The following SLC35F1 variants were observed in gnomAD, a reference collection of about 807,000 sequenced individuals.
SLC35F1 encodes chromosome 6 open reading frame 169.
SLC35F1 carries 14 observed loss-of-function variants against 48.7 expected under a neutral mutation model. That is an observed-to-expected ratio of 0.29 (90% confidence interval 0.19 to 0.45). The LOEUF is 0.45. SLC35F1 is among the 20% of genes least tolerant of loss of function. SLC35F1 has a pLI of 1.00. For missense variants in SLC35F1, 404 were observed against 500.0 expected (o/e 0.81, Z 1.83); for synonymous variants, 190 against 202.2 (o/e 0.94, Z 0.51).
At chr6:118,237,708 C>T (rs1422717169) in intron 3 of SLC35F1, among the ~76,000 whole-genome samples, 1 of 152,014 alleles carries the variant, frequency 6.6e-6, no homozygotes, top group African/African-American at 2.4e-5. Flanking sequence ...TCTTTAACAG[C>T]GATAGTTATA....
At chr6:118,136,242 GTC>G (rs899378978) in intron 1 of SLC35F1, among the ~76,000 whole-genome samples, 6 of 152,180 alleles carry the variant, frequency 3.9e-5, no homozygotes, top group Admixed American at 1.3e-4. Context: ...GAATTCAGAA[GTC>G]TCTCTACCCT....
chr6:118,035,934 C>T (rs752324358), intron 1 of SLC35F1, among the ~76,000 whole-genome samples: 48 of 151,956 alleles, frequency 3.2e-4, no homozygotes, highest in African/African-American at 9.6e-4. Flanking sequence ...CCTCATGATC[C>T]GCCCGCCTCG....
intron 5 of SLC35F1, among the ~76,000 whole-genome samples, chr6:118,275,819 CACTT>C (rs1775912145): frequency 6.6e-6 from 1 of 152,100 alleles, no homozygotes; most frequent in Non-Finnish European, 1.5e-5. Context: ...TTTTACAAAA[CACTT>C]AATGTTTATA....
intron 1 of SLC35F1, among the ~76,000 whole-genome samples, chr6:117,972,038 G>A (rs1776649173): frequency 6.6e-6 from 1 of 152,134 alleles, no homozygotes; most frequent in South Asian, 2.1e-4. Flanking sequence ...ATCATCATCA[G>A]GGTGCAAATT....
At chr6:118,277,665 A>ATTTC in intron 6 of SLC35F1, 119 bp downstream of exon 6, 1 of 824,760 alleles carries the variant, frequency 1.2e-6, no homozygotes, top group Non-Finnish European at 2.1e-6. Context: ...GGGACAAGGG[A>ATTTC]AAATGAAATC....
intron 1 of SLC35F1, among the ~76,000 whole-genome samples, chr6:118,055,191 G>C (rs1291004925): frequency 6.6e-6 from 1 of 152,124 alleles, no homozygotes; most frequent in East Asian, 1.9e-4. Context: ...GGATTTATTT[G>C]TTGTTAGATT....
At chr6:118,286,155 C>T (rs1316500704) in intron 7 of SLC35F1, among the ~76,000 whole-genome samples, 1 of 152,010 alleles carries the variant, frequency 6.6e-6, no homozygotes, top group South Asian at 2.1e-4. Flanking sequence ...TGAAACAGAC[C>T]AAATATGGAA....
At chr6:117,989,565 A>G (rs1261591471) in intron 1 of SLC35F1, among the ~76,000 whole-genome samples, 1 of 152,234 alleles carries the variant, frequency 6.6e-6, no homozygotes, top group Non-Finnish European at 1.5e-5. Flanking sequence ...GGGAGTTTTA[A>G]AAATGGAAAC....
chr6:117,993,892 C>A (rs1440892881), intron 1 of SLC35F1, among the ~76,000 whole-genome samples: 1 of 152,188 alleles, frequency 6.6e-6, no homozygotes, highest in African/African-American at 2.4e-5. Flanking sequence ...ACTGCCATAG[C>A]AAATTACCAC....
At position 118,227,814 on chromosome 6, in the gene SLC35F1, A is replaced by G. The variant is rs143831064; in HGVS notation, c.350-7695A>G. Reference sequence around the variant, plus strand: ...GAGAAGGCTTCATGTGGGAGGTAACATTTAGACTGGATCTTGAAGGATGAG... The same window carrying G: ...GAGAAGGCTTCATGTGGGAGGTAACGTTTAGACTGGATCTTGAAGGATGAG... On this transcript the variant is annotated intron_variant, in intron 2 of 7. Transcript: ENST00000360388. Among the ~76,000 whole-genome samples the G allele has an allele frequency of 5.7e-4, 87 of 152,338 alleles. 1 individual carries two copies. The East Asian group carries it at 0.016, about 28-fold the overall frequency.
chr6:118,104,430 T>C (rs184773631), intron 1 of SLC35F1, among the ~76,000 whole-genome samples: 81 of 152,328 alleles, frequency 5.3e-4, no homozygotes, highest in African/African-American at 1.9e-3. Flanking sequence ...AAGATTCTTA[T>C]GGATTTCAGA....
chr6:117,999,194 G>T (rs1777047833), intron 1 of SLC35F1: 1 of 1,595,320 alleles, frequency 6.3e-7, no homozygotes, highest in Non-Finnish European at 8.5e-7. Flanking sequence ...GGCTATCAAG[G>T]CCCTCGTAAA....
At chr6:118,295,976 A>G (rs990698234) in intron 7 of SLC35F1, among the ~76,000 whole-genome samples, 3 of 152,174 alleles carry the variant, frequency 2.0e-5, no homozygotes, top group African/African-American at 7.2e-5. Context: ...GTCTTGCTGA[A>G]TAACTTAGGG....
At chr6:118,072,431 G>T (rs1364375443) in intron 1 of SLC35F1, among the ~76,000 whole-genome samples, 5 of 152,084 alleles carry the variant, frequency 3.3e-5, no homozygotes, top group African/African-American at 1.2e-4. Flanking sequence ...AGGCGTGGTG[G>T]CAGGCGCCTG....
chr6:118,007,479 G>T (rs1331523323), intron 1 of SLC35F1, among the ~76,000 whole-genome samples: 1 of 152,032 alleles, frequency 6.6e-6, no homozygotes, highest in Non-Finnish European at 1.5e-5. Flanking sequence ...GTGACTTCAG[G>T]GGTGCACTCT....
At chr6:118,191,071 A>G (rs1417099530) in intron 2 of SLC35F1, among the ~76,000 whole-genome samples, 1 of 152,158 alleles carries the variant, frequency 6.6e-6, no homozygotes, top group Non-Finnish European at 1.5e-5. Context: ...AACCATGGAA[A>G]AAGGACCTAA....
In SLC35F1 at chr6:117,907,705, C is replaced by T; in HGVS notation, c.-22C>T. 6.9e-7 allele frequency: 1 copy of T among 1,450,846 alleles called. No homozygotes were observed. The highest frequency in any genetic ancestry group is 9.3e-7 in the Non-Finnish European group (1 of 1,079,896). 89.9% of individuals were successfully genotyped at this position (1,450,846 alleles called of 1,614,324 possible). A position where few individuals can be genotyped will look rare whatever the true frequency, so the allele number is the denominator to read the frequency against. Reference sequence around the variant, plus strand: ...GCACCCGGCTGCGTTCTGATCGCCGCCGCGCCTCAGCCTCTGCCGCGATGA... The same window carrying T: ...GCACCCGGCTGCGTTCTGATCGCCGTCGCGCCTCAGCCTCTGCCGCGATGA... On this transcript the variant is annotated 5_prime_UTR_variant, in exon 1 of 8. Transcript: ENST00000360388.
intron 1 of SLC35F1, among the ~76,000 whole-genome samples, chr6:118,102,319 G>A (rs982752414): frequency 1.3e-5 from 2 of 152,040 alleles, no homozygotes; most frequent in Admixed American, 6.6e-5. Flanking sequence ...GAGTAGCTGG[G>A]ACTACAAGCA....
chr6:118,308,715 C>A (rs1036632877), intron 7 of SLC35F1, among the ~76,000 whole-genome samples: 1 of 152,208 alleles, frequency 6.6e-6, no homozygotes, highest in African/African-American at 2.4e-5. Context: ...GGCCACATAT[C>A]CTTCATATAT....
Sources: gnomAD v4.1 joint callset for allele counts (sites outside exome capture counted in the v4.1 genomes callset) on GRCh38, gnomAD v4.1.1 for gene constraint, MANE v1.5 for transcripts, NCBI Gene and HGNC (gene_info 2026-07-23, HGNC 2026-07-21) for gene names.